SORL1: variants seen among roughly 807,000 people sequenced by gnomAD.
SORL1 encodes the protein sortilin-related receptor.
SORL1 carries 127 observed loss-of-function variants against 273.7 expected under a neutral mutation model. The ratio of observed to expected loss-of-function variants is 0.46; its 90% CI spans 0.40 to 0.54. The LOEUF (loss-of-function observed/expected upper bound fraction) is 0.54. Ranked by LOEUF, SORL1 falls within the 20% of genes least tolerant of loss-of-function variation. SORL1 has a pLI of 0.00. For synonymous variants in SORL1, 1,031 were observed against 1,067.4 expected (o/e 0.97, Z 0.66); for missense variants, 2,494 against 2,846.1 (o/e 0.88, Z 2.81).
At chr11:121,460,117 C>T (rs114951071) in intron 1 of SORL1, among the ~76,000 whole-genome samples, 55 of 152,242 alleles carry the variant, frequency 3.6e-4, no homozygotes, top group African/African-American at 1.2e-3. Context: ...GCATTTGTGC[C>T]GTGTAGAGAC....
At chr11:121,532,973 T>C (rs1862222993) in intron 12 of SORL1, among the ~76,000 whole-genome samples, 1 of 152,124 alleles carries the variant, frequency 6.6e-6, no homozygotes. Flanking sequence ...TGTGAGCCAC[T>C]GTGCCCACCC....
intron 19 of SORL1, among the ~76,000 whole-genome samples, chr11:121,558,274 C>T (rs1016039960): frequency 1.3e-5 from 2 of 152,132 alleles, no homozygotes; most frequent in African/African-American, 2.4e-5. Flanking sequence ...TTTTAGGTTT[C>T]ACAGTATTCT....
chr11:121,546,491 G>C (rs568931105), intron 14 of SORL1, among the ~76,000 whole-genome samples: 2 of 152,146 alleles, frequency 1.3e-5, no homozygotes. Flanking sequence ...AGAGAGCCAT[G>C]GGTATTTAAT....
chr11:121,599,308 GC>G (rs1301772266), intron 32 of SORL1, among the ~76,000 whole-genome samples: 2 of 152,222 alleles, frequency 1.3e-5, no homozygotes, highest in African/African-American at 4.8e-5. Flanking sequence ...ACTTTGGGAG[GC>G]CAAGGCGGGT....
intron 17 of SORL1, 95 bp from the exon 18 acceptor site, chr11:121,555,092 T>A: frequency 7.5e-7 from 1 of 1,340,976 alleles, no homozygotes; most frequent in Middle Eastern, 2.0e-4. Context: ...TTGCCAGTCC[T>A]GCCAGTTGAA....
At chr11:121,546,572 A>T (rs1298478316) in intron 14 of SORL1, among the ~76,000 whole-genome samples, 1 of 152,230 alleles carries the variant, frequency 6.6e-6, no homozygotes, top group Non-Finnish European at 1.5e-5. Context: ...GGGCAGCTGT[A>T]CTTGTCTTGA....
intron 6 of SORL1, among the ~76,000 whole-genome samples, chr11:121,502,388 G>A (rs1306895373): frequency 6.6e-6 from 1 of 151,892 alleles, no homozygotes; most frequent in African/African-American, 2.4e-5. Context: ...CACCCACCTC[G>A]GACTCCCAAA....
chr11:121,632,206 TGGGCCTCTAAAAATTGGTGGGCA>T lies in SORL1; in HGVS notation c.*2647_*2669del, dbSNP rs1863886192. On this transcript the variant is annotated 3_prime_UTR_variant, in exon 48 of 48. Transcript: ENST00000260197. ...ATGCTTGCATCCATGTGGACCACGA[TGGGCCTCTAAAAATTGGTGGGCA>T]GGGGGTTTGCTTATGAGTTTTCTCT... is the stretch of plus-strand genomic sequence containing the variant. 6.6e-6 allele frequency: 1 copy of T among 152,230 alleles called. No homozygotes were observed. Among genetic ancestry groups the T allele is most frequent in the African/African-American group, 2.4e-5 (1 of 41,440 alleles). 9.4% of individuals were successfully genotyped at this position (152,230 alleles called of 1,614,324 possible). A position where few individuals can be genotyped will look rare whatever the true frequency, so the allele number is the denominator to read the frequency against.
chr11:121,537,261 A>C (rs1451119074), intron 12 of SORL1, among the ~76,000 whole-genome samples: 1 of 152,210 alleles, frequency 6.6e-6, no homozygotes, highest in African/African-American at 2.4e-5. Flanking sequence ...TTGAGGTGAT[A>C]GGGTCCCTTT....
intron 6 of SORL1, among the ~76,000 whole-genome samples, chr11:121,502,068 G>A (rs897739147): frequency 7.6e-6 from 1 of 131,078 alleles, no homozygotes; most frequent in African/African-American, 2.8e-5. Context: ...GTGAACTTAT[G>A]TTTTAATTCT....
At chr11:121,574,179 G>A in intron 23 of SORL1, 62 bp from the exon 24 acceptor site, 1 of 1,536,218 alleles carries the variant, frequency 6.5e-7, no homozygotes, top group Non-Finnish European at 9.0e-7. Flanking sequence ...CCAGTAGGAT[G>A]TTTACATTTG....
chr11:121,499,479 A>G (rs1300924431), intron 6 of SORL1, among the ~76,000 whole-genome samples: 1 of 152,214 alleles, frequency 6.6e-6, no homozygotes, highest in African/African-American at 2.4e-5. Context: ...AGGTTGTCTA[A>G]CAATCACCAG....
intron 25 of SORL1, among the ~76,000 whole-genome samples, chr11:121,578,463 G>A (rs1862969081): frequency 6.6e-6 from 1 of 152,176 alleles, no homozygotes; most frequent in South Asian, 2.1e-4. Flanking sequence ...ATTGGTAAAA[G>A]GAAATACAAA....
At chr11:121,460,686 G>A (rs184096517) in intron 1 of SORL1, among the ~76,000 whole-genome samples, 9 of 152,204 alleles carry the variant, frequency 5.9e-5, no homozygotes, top group Admixed American at 1.3e-4. Flanking sequence ...GTGAGCCACC[G>A]TGCCTGGCCT....
intron 1 of SORL1, among the ~76,000 whole-genome samples, chr11:121,458,659 C>T (rs540857237): frequency 6.6e-6 from 1 of 152,274 alleles, no homozygotes; most frequent in Non-Finnish European, 1.5e-5. Context: ...TAAAATGAGC[C>T]ACAGTTAATT....
intron 16 of SORL1, among the ~76,000 whole-genome samples, chr11:121,551,679 A>G (rs1470586544): frequency 1.3e-5 from 2 of 152,218 alleles, no homozygotes; most frequent in Non-Finnish European, 2.9e-5. Context: ...GAATCATGAA[A>G]GAAGTGTGTG....
At chr11:121,545,568 A>T (rs1028761846) in intron 14 of SORL1, 139 bp downstream of exon 14, 4 of 779,074 alleles carry the variant, frequency 5.1e-6, no homozygotes, top group Non-Finnish European at 8.2e-6. Context: ...AGCATCTTTT[A>T]TGTGCCAGGA....
intron 6 of SORL1, among the ~76,000 whole-genome samples, chr11:121,506,835 T>C (rs1291156185): frequency 1.3e-5 from 2 of 152,210 alleles, no homozygotes; most frequent in Non-Finnish European, 2.9e-5. Context: ...GCTATTTTGC[T>C]CTTTGCTTTC....
In SORL1 at chr11:121,574,328, A is replaced by G; in HGVS notation, c.3425A>G (p.Asp1142Gly). 6.2e-7 allele frequency: 1 copy of G among 1,613,726 alleles called. No individual in the cohort carries two copies. Among genetic ancestry groups the G allele is most frequent in the Non-Finnish European group, 8.5e-7 (1 of 1,179,646 alleles). Residue 1142 changes from aspartate (D) to glycine (G), a missense_variant, in exon 24 of 48, where the codon GAT (aspartate) becomes GGT (glycine). By Grantham distance (94) the Asp-to-Gly change is moderately conservative. Transcript: ENST00000260197. ...IPLSYKCDLEDDCGDNSDESH... is the reference protein window; with the variant it reads ...IPLSYKCDLEGDCGDNSDESH... ...CTGTCCTATAAATGTGACCTTGAGG[A>G]TGACTGTGGAGACAACAGTGATGAA...
Sources: gnomAD v4.1 joint callset for allele counts (sites outside exome capture counted in the v4.1 genomes callset) on GRCh38, gnomAD v4.1.1 for gene constraint, MANE v1.5 for transcripts, NCBI Gene and HGNC (gene_info 2026-07-23, HGNC 2026-07-21) for gene names.